Variants in NME6 observed in about 807,000 individuals in gnomAD.
The protein encoded by NME6 is NME/NM23 nucleoside diphosphate kinase 6, also known as nucleoside diphosphate kinase 6, mitochondrial.
Under a neutral mutation model 22.2 loss-of-function variants are expected in NME6, and 16 were observed. That is an observed-to-expected ratio of 0.72 (90% CI 0.49 to 1.09). NME6 has a LOEUF of 1.09. Ranked by LOEUF, NME6 falls within the 50% of genes least tolerant of loss-of-function variation. The pLI is 0.00. For synonymous variants in NME6, 58 were observed against 85.2 expected, an observed-to-expected ratio of 0.68 and a Z score of 1.76; for missense variants, 229 against 239.0, an observed-to-expected ratio of 0.96 and a Z score of 0.28.
At chr3:48,296,204 C>T (rs777985690) in intron 3 of NME6, 46 bp from the exon 4 acceptor site, 1 of 1,613,846 alleles carries the variant, frequency 6.2e-7, no homozygotes, top group South Asian at 1.1e-5. Context: ...ATCCTGGTGC[C>T]CAAGGCAACT....
intron 1 of NME6, chr3:48,301,141 G>C: frequency 1.1e-6 from 1 of 885,612 alleles, no homozygotes; most frequent in Non-Finnish European, 1.7e-6. Flanking sequence ...CCCAGCCCTG[G>C]TCCACCCACG....
chr3:48,295,080 C>A lies in NME6; in HGVS notation c.389G>T (p.Gly130Val). The change falls in exon 5 of 6, where the codon GGT becomes GTT. Residue 130 changes from glycine (G) to valine (V), a missense_variant. Coordinates refer to ENST00000442597, the MANE Select transcript of NME6 (RefSeq NM_001308426.2). The part of the protein sequence containing the change: ...GLTDTRNTTH[G>V]SDSVVSASRE... ...GCTATGGACAGGGGACTCACCCGAA[C>A]CATGGGTGGTGTTGCGGGTGTCAGT... 6.2e-7 allele frequency: 1 copy of A among 1,613,962 alleles called. No homozygotes were observed. Among genetic ancestry groups the A allele is most frequent in the Non-Finnish European group, 8.5e-7 (1 of 1,179,954 alleles).
In NME6 at chr3:48,293,122, C is replaced by T. The variant is rs2034677486; in HGVS notation, c.*1515G>A. ...ACAAGAAGTTGTTGAAAGTTCTACT[C>T]AGCTTCTTAGCTGCCTCTTCCAGAA... On this transcript the variant is annotated 3_prime_UTR_variant, in exon 6 of 6. Transcript: ENST00000442597. 6.6e-6 allele frequency: 1 copy of T among 152,212 alleles called. No homozygotes were observed. Among genetic ancestry groups the T allele is most frequent in the Non-Finnish European group, 1.5e-5 (1 of 68,044 alleles). 9.4% of individuals were successfully genotyped at this position (152,212 alleles called of 1,614,324 possible).
chr3:48,289,247 A>G (rs2034304423), downstream of NME6, among the ~76,000 whole-genome samples: 1 of 152,002 alleles, frequency 6.6e-6, no homozygotes, highest in Non-Finnish European at 1.5e-5. Flanking sequence ...TATTTTTAGT[A>G]GAGACAGGGT....
rs1291919517 is a variant in NME6, at chr3:48,294,463, T to C, written c.*174A>G. On this transcript the variant is annotated 3_prime_UTR_variant, in exon 6 of 6. Transcript: ENST00000442597. ...CACCATAAACATTCCAGAGAAGAGGTAGATAGAAGGCTAGATCCTGGAGGA... is the reference window on the plus strand; with the variant it reads ...CACCATAAACATTCCAGAGAAGAGGCAGATAGAAGGCTAGATCCTGGAGGA... 2 of 590,294 alleles carry C rather than the reference T, an allele frequency of 3.4e-6. No homozygotes were observed. Among genetic ancestry groups the C allele is most frequent in the South Asian group, 2.1e-5 (1 of 46,572 alleles). The allele number at this position is 590,294 out of a possible 1,614,324, so 36.6% of individuals were successfully genotyped here. A position where few individuals can be genotyped will look rare whatever the true frequency, so the allele number is the denominator to read the frequency against.
Position 48,294,674 on chromosome 3 carries a change from T to G in NME6, c.524A>C (p.His175Pro). 1 of 1,614,188 alleles carries G rather than the reference T, an allele frequency of 6.2e-7. No individual in the cohort carries two copies. Among genetic ancestry groups the G allele is most frequent in the Non-Finnish European group, 8.5e-7 (1 of 1,180,024 alleles). The change falls in exon 6 of 6, where the codon CAC (histidine) becomes CCC (proline). Residue 175 changes from histidine (H) to proline (P), a missense_variant. His to Pro is a moderately conservative substitution (Grantham distance 77). Transcript: ENST00000442597. Reference sequence around the variant, plus strand: ...TAGGCCTCCTGTTCCAGCTACATAGTGGACACCTCCCTCTGGGCTATAGCA... The same window carrying G: ...TAGGCCTCCTGTTCCAGCTACATAGGGGACACCTCCCTCTGGGCTATAGCA... The part of the protein sequence containing the change: ...PVCYSPEGGV[H>P]YVAGTGGLGP...
rs147095036 is a variant in NME6, at chr3:48,300,333, T to A, written c.-8+1020A>T. The A allele has an allele frequency of 1.1e-5, 5 of 456,654 alleles. No individual in the cohort carries two copies. In the Admixed American group the frequency reaches 1.2e-4, roughly 11 times the overall value. 28.3% of individuals were successfully genotyped at this position (456,654 alleles called of 1,614,324 possible). A position where few individuals can be genotyped will look rare whatever the true frequency, so the allele number is the denominator to read the frequency against. ...TTAAGTTTCTCTAGCTCCAACCTCA[T>A]GGGCCTTTCAGTTTTGAAAGAATTT... On this transcript the variant is annotated intron_variant, in intron 1 of 5. Coordinates refer to ENST00000442597, the MANE Select transcript of NME6 (RefSeq NM_001308426.2).
chr3:48,291,018 G>T (rs2034415164), downstream of NME6: 1 of 285,236 alleles, frequency 3.5e-6, no homozygotes, highest in Non-Finnish European at 6.9e-6. Flanking sequence ...TGGATCCTTG[G>T]CAATCCTTTA....
At chr3:48,291,377 C>A, downstream of NME6, 1 of 448,768 alleles carries the variant, frequency 2.2e-6, no homozygotes. Flanking sequence ...CTCTCACATG[C>A]TCATGTCATA....
Position 48,300,392 on chromosome 3 carries a change from C to A in NME6, c.-8+961G>T, listed in dbSNP as rs544727864. On this transcript the variant is annotated intron_variant, in intron 1 of 5. Coordinates refer to ENST00000442597, the MANE Select transcript of NME6 (RefSeq NM_001308426.2). The stretch of plus-strand genomic sequence containing the variant: ...ACAGCCTTTGTGTGAGTAGTTTTCG[C>A]AGTCCTGAATGTGCTTTCTCTGGTT... The A allele has an allele frequency of 2.8e-3, 1,289 of 455,732 alleles. 11 individuals carry two copies. Among genetic ancestry groups the A allele is most frequent in the Middle Eastern group, 8.1e-3 (24 of 2,978 alleles). The allele number at this position is 455,732 out of a possible 1,614,324, so 28.2% of individuals were successfully genotyped here. A position where few individuals can be genotyped will look rare whatever the true frequency, so the allele number is the denominator to read the frequency against.
At chr3:48,297,023 G>A (rs1183873908) in intron 2 of NME6, among the ~76,000 whole-genome samples, 194 bp from the exon 3 acceptor site, 1 of 152,042 alleles carries the variant, frequency 6.6e-6, no homozygotes, top group Non-Finnish European at 1.5e-5. Context: ...GATAGGATGC[G>A]CTGTCTCTGC....
In NME6 at chr3:48,292,796, T is replaced by A. The variant is rs932497038; in HGVS notation, c.*1841A>T. ...AACTCCCAACCTCAGGTGATCCGCC[T>A]GCCTCAGCCTCCCAAAGTGCTAGGA... On this transcript the variant is annotated 3_prime_UTR_variant, in exon 6 of 6. Transcript: ENST00000442597. 6.6e-6 allele frequency: 1 copy of A among 152,234 alleles called. No individual in the cohort carries two copies. Among genetic ancestry groups the A allele is most frequent in the Non-Finnish European group, 1.5e-5 (1 of 68,062 alleles). The allele number at this position is 152,234 out of a possible 1,614,324, so 9.4% of individuals were successfully genotyped here. A position where few individuals can be genotyped will look rare whatever the true frequency, so the allele number is the denominator to read the frequency against.
chr3:48,293,092 C>T lies in NME6; in HGVS notation c.*1545G>A, dbSNP rs1226616833. On this transcript the variant is annotated 3_prime_UTR_variant, in exon 6 of 6. Coordinates refer to ENST00000442597, the MANE Select transcript of NME6 (RefSeq NM_001308426.2). ...TGCCAGCATTCATGAAGCTGGCTCC[C>T]TAACACAAGAAGTTGTTGAAAGTTC... 1 of 152,202 alleles carries T rather than the reference C, an allele frequency of 6.6e-6. No individual in the cohort carries two copies. The highest frequency in any genetic ancestry group is 6.5e-5 in the Admixed American group (1 of 15,272). 9.4% of individuals were successfully genotyped at this position (152,202 alleles called of 1,614,324 possible). A position where few individuals can be genotyped will look rare whatever the true frequency, so the allele number is the denominator to read the frequency against.
intron 2 of NME6, chr3:48,298,156 AGTAAT>A: frequency 2.1e-6 from 1 of 466,388 alleles, no homozygotes; most frequent in Non-Finnish European, 3.9e-6. Context: ...TCAAGTCTGG[AGTAAT>A]GTGTTATGTA....
At chr3:48,299,419 A>T (rs2035464950) in intron 1 of NME6, among the ~76,000 whole-genome samples, 1 of 152,228 alleles carries the variant, frequency 6.6e-6, no homozygotes, top group Non-Finnish European at 1.5e-5. Flanking sequence ...CCTCTGCAGG[A>T]GTAAAGACTT....
intron 4 of NME6, 198 bp from the exon 5 acceptor site, chr3:48,295,433 CT>C (rs2034983112): frequency 1.7e-6 from 1 of 580,136 alleles, no homozygotes; most frequent in East Asian, 2.9e-5. Context: ...AGCAGGGTGG[CT>C]ATGCAGCATT....
At position 48,296,278 on chromosome 3, in the gene NME6, T is replaced by C. The variant is rs746530144; in HGVS notation, c.194-120A>G. 17 of 1,433,422 alleles carry C rather than the reference T, an allele frequency of 1.2e-5. No individual in the cohort carries two copies. In the African/African-American group the frequency reaches 2.1e-4, roughly 18 times the overall value. The allele number at this position is 1,433,422 out of a possible 1,614,324, so 88.8% of individuals were successfully genotyped here. A position where few individuals can be genotyped will look rare whatever the true frequency, so the allele number is the denominator to read the frequency against. ...TGTTTCAGAGAAAAGAACAAGGACC[T>C]TGGAGTCTGACAAACCTGGGTCTGA... On this transcript the variant is annotated intron_variant, in intron 3 of 5. Coordinates refer to ENST00000442597, the MANE Select transcript of NME6 (RefSeq NM_001308426.2).
chr3:48,295,482 A>G, intron 4 of NME6: 1 of 478,556 alleles, frequency 2.1e-6, no homozygotes, highest in Non-Finnish European at 3.7e-6. Context: ...ACAGGTGCCT[A>G]ACAGGTCAGC....
intron 1 of NME6, chr3:48,300,631 C>G (rs2035591214): frequency 3.6e-6 from 1 of 280,758 alleles, no homozygotes; most frequent in Non-Finnish European, 7.0e-6. Context: ...CAAGAACACG[C>G]GGCCTGTAGG....
Sources: gnomAD v4.1 joint callset for allele counts (sites outside exome capture counted in the v4.1 genomes callset) on GRCh38, gnomAD v4.1.1 for gene constraint, MANE v1.5 for transcripts, NCBI Gene and HGNC (gene_info 2026-07-23, HGNC 2026-07-21) for gene names.